Variants in FARSB observed in about 807,000 individuals in gnomAD.
The protein encoded by FARSB is phenylalanyl-tRNA synthetase subunit beta.
FARSB carries 40 observed loss-of-function variants against 69.6 expected under a neutral mutation model. The observed-to-expected ratio is 0.57, with a 90% CI of 0.45 to 0.75. The LOEUF is 0.75. Among genes scored for constraint, FARSB ranks in the 30% least tolerant of loss-of-function variants. The pLI, the probability that FARSB is intolerant of heterozygous loss-of-function variation, is 0.00. For synonymous variants in FARSB, 235 were observed against 247.2 expected (o/e 0.95, Z 0.46); for missense variants, 632 against 722.9 (o/e 0.87, Z 1.44).
chr2:222,629,189 T>C (rs890916486), intron 9 of FARSB, among the ~76,000 whole-genome samples: 3 of 152,136 alleles, frequency 2.0e-5, no homozygotes, highest in African/African-American at 7.2e-5. Flanking sequence ...ATTCTAGGCT[T>C]TACCAGGGCA....
intron 16 of FARSB, among the ~76,000 whole-genome samples, chr2:222,574,218 C>G (rs1375213242): frequency 6.6e-6 from 1 of 152,056 alleles, no homozygotes; most frequent in Non-Finnish European, 1.5e-5. Flanking sequence ...CTACCTCTCT[C>G]CAGAAGTTGG....
At chr2:222,584,338 C>T (rs1003189901) in intron 16 of FARSB, among the ~76,000 whole-genome samples, 3 of 152,138 alleles carry the variant, frequency 2.0e-5, no homozygotes, top group African/African-American at 7.2e-5. Context: ...ATCCAATTCC[C>T]CCCAAAAAAG....
chr2:222,655,472 A>AT, intron 1 of FARSB, among the ~76,000 whole-genome samples: 1 of 152,190 alleles, frequency 6.6e-6, no homozygotes, highest in East Asian at 1.9e-4. Context: ...GTGCTGGTTA[A>AT]TTGTCTGCCT....
chr2:222,590,196 C>T (rs1232075331), intron 16 of FARSB, among the ~76,000 whole-genome samples: 8 of 151,994 alleles, frequency 5.3e-5, no homozygotes, highest in Non-Finnish European at 1.0e-4. Flanking sequence ...TAAAAAAGGA[C>T]GAGTTCATGT....
chr2:222,653,894 T>C (rs984213542), intron 1 of FARSB, among the ~76,000 whole-genome samples: 10 of 152,124 alleles, frequency 6.6e-5, no homozygotes, highest in African/African-American at 2.4e-4. Context: ...AGTGCTGTGA[T>C]TACAAGCATC....
intron 16 of FARSB, among the ~76,000 whole-genome samples, chr2:222,593,631 A>G (rs1394116785): frequency 6.6e-6 from 1 of 152,168 alleles, no homozygotes; most frequent in Admixed American, 6.5e-5. Flanking sequence ...AGGCCAAGGC[A>G]GGAAGATCAC....
At chr2:222,576,241 T>C (rs1187039527) in intron 16 of FARSB, among the ~76,000 whole-genome samples, 2 of 152,074 alleles carry the variant, frequency 1.3e-5, no homozygotes, top group Non-Finnish European at 2.9e-5. Context: ...TAAAAAGTCA[T>C]CTACTCATAC....
chr2:222,631,482 T>G, intron 8 of FARSB, 122 bp downstream of exon 8: 1 of 686,538 alleles, frequency 1.5e-6, no homozygotes, highest in South Asian at 1.6e-5. Context: ...ATTGTCTAAA[T>G]TTCTAAAATA....
rs529958439 is a variant in FARSB at position 222,577,599 on chromosome 2, C to A, written c.1619-5577G>T. ...CAAATCCGGACAGGATCCTGTAGGA[C>A]CTTATGCTTCAAAAGAAATCAGCAA... On this transcript the variant is annotated intron_variant, in intron 16 of 16. Coordinates refer to ENST00000281828, the MANE Select transcript of FARSB (RefSeq NM_005687.5). 1.3e-4 allele frequency among the ~76,000 whole-genome samples: 20 copies of A among 152,288 alleles called. No individual in the cohort carries two copies. The East Asian group carries it at 3.3e-3, about 25-fold the overall frequency.
At chr2:222,619,568 T>A in intron 14 of FARSB, 77 bp downstream of exon 14, 1 of 725,064 alleles carries the variant, frequency 1.4e-6, no homozygotes, top group Non-Finnish European at 2.5e-6. Flanking sequence ...TCAGGTATAA[T>A]AACTGAAGAG....
At chr2:222,623,115 T>G (rs1318875338) in intron 13 of FARSB, among the ~76,000 whole-genome samples, 1 of 152,218 alleles carries the variant, frequency 6.6e-6, no homozygotes, top group Non-Finnish European at 1.5e-5. Context: ...ACACATTTTA[T>G]TCTTTCAAAT....
At chr2:222,574,495 G>A (rs1326561934) in intron 16 of FARSB, among the ~76,000 whole-genome samples, 3 of 152,218 alleles carry the variant, frequency 2.0e-5, no homozygotes, top group East Asian at 1.9e-4. Context: ...CCTTCACAGC[G>A]GTCCAATGGA....
rs1690769807 is a variant in FARSB, at chr2:222,608,765, C to T, written c.1462+5046G>A. ...AATGTAGCTTGCACCAGGACTACAG[C>T]AATGCTTTAGAGAAAGTTAATAATG... is the stretch of plus-strand genomic sequence containing the variant. On this transcript the variant is annotated intron_variant, in intron 15 of 16. Transcript: ENST00000281828. 3.9e-5 allele frequency among the ~76,000 whole-genome samples: 6 copies of T among 152,154 alleles called. No individual in the cohort carries two copies. The South Asian group carries it at 1.2e-3, about 32-fold the overall frequency.
chr2:222,601,433 A>C (rs1434401523), intron 15 of FARSB, among the ~76,000 whole-genome samples: 1 of 152,054 alleles, frequency 6.6e-6, no homozygotes, highest in African/African-American at 2.4e-5. Flanking sequence ...AATAATAATA[A>C]TAAAAAGATG....
At chr2:222,610,007 C>T (rs758118447) in intron 15 of FARSB, among the ~76,000 whole-genome samples, 31 of 152,190 alleles carry the variant, frequency 2.0e-4, no homozygotes, top group Non-Finnish European at 3.2e-4. Flanking sequence ...CCCTTCTGAG[C>T]TACCAAGGGG....
intron 13 of FARSB, among the ~76,000 whole-genome samples, chr2:222,622,927 G>C (rs905428155): frequency 6.6e-6 from 1 of 152,210 alleles, no homozygotes; most frequent in African/African-American, 2.4e-5. Flanking sequence ...ACTAGAAGTA[G>C]AGTCCCTTAA....
At chr2:222,608,964 G>T (rs1690773576) in intron 15 of FARSB, among the ~76,000 whole-genome samples, 1 of 152,146 alleles carries the variant, frequency 6.6e-6, no homozygotes, top group Admixed American at 6.5e-5. Flanking sequence ...GATTTTCAGG[G>T]TTCTCCACAG....
intron 2 of FARSB, among the ~76,000 whole-genome samples, chr2:222,647,931 T>C (rs1056420731): frequency 6.6e-6 from 1 of 152,186 alleles, no homozygotes; most frequent in African/African-American, 2.4e-5. Flanking sequence ...AAAAGGTTGC[T>C]TGGGCCACAT....
intron 16 of FARSB, among the ~76,000 whole-genome samples, chr2:222,573,989 C>A (rs963885211): frequency 2.6e-5 from 4 of 152,196 alleles, no homozygotes; most frequent in African/African-American, 9.6e-5. Flanking sequence ...CAAAATCCAT[C>A]CTTTCATCTA....
Sources: gnomAD v4.1 joint callset for allele counts (sites outside exome capture counted in the v4.1 genomes callset) on GRCh38, gnomAD v4.1.1 for gene constraint, MANE v1.5 for transcripts, NCBI Gene and HGNC (gene_info 2026-07-23, HGNC 2026-07-21) for gene names.